GAREM1: variants seen among roughly 807,000 people sequenced by gnomAD.
GAREM1 encodes the protein GRB2 associated regulator of MAPK1 subtype 1.
A neutral mutation model predicts 71.3 loss-of-function variants in GAREM1; 26 were observed. The ratio of observed to expected loss-of-function variants is 0.36; its 90% confidence interval spans 0.27 to 0.51. The LOEUF is 0.51. Among genes scored for constraint, GAREM1 ranks in the 20% least tolerant of loss-of-function variants. GAREM1 has a pLI of 0.95. For synonymous variants in GAREM1, 440 were observed against 433.2 expected (o/e 1.02, Z -0.20); for missense variants, 1,026 against 1,103.1 (o/e 0.93, Z 0.99).
chr18:32,421,092 T>C (rs190478404), intron 1 of GAREM1, among the ~76,000 whole-genome samples: 3 of 152,320 alleles, frequency 2.0e-5, no homozygotes, highest in East Asian at 1.9e-4. Context: ...CTAATCCTGA[T>C]AGCTGTTGTA....
chr18:32,417,793 A>T (rs1361053738), intron 1 of GAREM1, among the ~76,000 whole-genome samples: 3 of 152,154 alleles, frequency 2.0e-5, no homozygotes, highest in Non-Finnish European at 4.4e-5. Context: ...AAAAAGAATA[A>T]GACCTAGTAT....
chr18:32,366,472 G>T (rs1168630311), intron 2 of GAREM1, among the ~76,000 whole-genome samples: 1 of 152,156 alleles, frequency 6.6e-6, no homozygotes. Flanking sequence ...GCAAGAAAGA[G>T]ACTTTAAAGT....
chr18:32,290,652 A>G (rs1465788034), intron 3 of GAREM1, among the ~76,000 whole-genome samples: 1 of 151,826 alleles, frequency 6.6e-6, no homozygotes, highest in Admixed American at 6.6e-5. Flanking sequence ...GAAAAAAAAA[A>G]AAAAAAAAGA....
At chr18:32,376,761 C>T (rs2144634400) in intron 2 of GAREM1, among the ~76,000 whole-genome samples, 1 of 152,268 alleles carries the variant, frequency 6.6e-6, no homozygotes, top group South Asian at 2.1e-4. Flanking sequence ...TCGCTTGAAC[C>T]CGGGAGGCGG....
chr18:32,341,582 T>G (rs2047648125), intron 2 of GAREM1, among the ~76,000 whole-genome samples: 1 of 152,184 alleles, frequency 6.6e-6, no homozygotes. Flanking sequence ...TGAACTAGTT[T>G]ACAGTCCCAC....
At chr18:32,392,322 T>C (rs1233355203) in intron 2 of GAREM1, among the ~76,000 whole-genome samples, 1 of 152,088 alleles carries the variant, frequency 6.6e-6, no homozygotes, top group African/African-American at 2.4e-5. Context: ...AAAAATCAGT[T>C]ATATGGCACT....
intron 2 of GAREM1, among the ~76,000 whole-genome samples, chr18:32,312,633 T>C (rs1217513972): frequency 6.6e-6 from 1 of 152,168 alleles, no homozygotes; most frequent in South Asian, 2.1e-4. Flanking sequence ...CAGAGGCTAC[T>C]GAGAGGAAGC....
rs141304898 is a variant in GAREM1, at chr18:32,314,325, C to T, written c.263-4002G>A. ...TAATGGATTTAACTGTTTTTCCATT[C>T]TTACATGATTAGTCTAAGTTAGACA... is the stretch of plus-strand genomic sequence containing the variant. On this transcript the variant is annotated intron_variant, in intron 2 of 5. Transcript: ENST00000269209. Among the ~76,000 whole-genome samples the T allele has an allele frequency of 2.4e-3, 365 of 152,238 alleles. 1 individual carries two copies. The highest frequency in any genetic ancestry group is 8.5e-3 in the African/African-American group (352 of 41,558).
chr18:32,444,171 A>G (rs575325107), intron 1 of GAREM1, among the ~76,000 whole-genome samples: 28 of 152,230 alleles, frequency 1.8e-4, no homozygotes, highest in Non-Finnish European at 3.4e-4. Flanking sequence ...AGTGATAAAA[A>G]TGTTCTGGAA....
At chr18:32,315,193 G>A (rs919975048) in intron 2 of GAREM1, among the ~76,000 whole-genome samples, 7 of 151,710 alleles carry the variant, frequency 4.6e-5, no homozygotes. Flanking sequence ...CACAGGCCAA[G>A]GATGCATCAC....
intron 2 of GAREM1, among the ~76,000 whole-genome samples, chr18:32,361,623 C>G (rs995586571): frequency 6.6e-6 from 1 of 152,168 alleles, no homozygotes; most frequent in African/African-American, 2.4e-5. Flanking sequence ...GCAAAACTAA[C>G]AGGAAATGAA....
intron 1 of GAREM1, among the ~76,000 whole-genome samples, chr18:32,454,025 G>A (rs994396915): frequency 2.6e-5 from 4 of 152,004 alleles, no homozygotes; most frequent in Non-Finnish European, 5.9e-5. Flanking sequence ...GTTGGAAAAC[G>A]TAATATGAGA....
At chr18:32,415,548 G>C (rs530376811) in intron 1 of GAREM1, among the ~76,000 whole-genome samples, 1 of 152,216 alleles carries the variant, frequency 6.6e-6, no homozygotes, top group East Asian at 1.9e-4. Context: ...ATTTATCCCA[G>C]GGATGCAAGC....
At chr18:32,406,629 C>G (rs1357164471) in intron 1 of GAREM1, among the ~76,000 whole-genome samples, 1 of 152,106 alleles carries the variant, frequency 6.6e-6, no homozygotes, top group Non-Finnish European at 1.5e-5. Context: ...GTGAGAAGAA[C>G]TCTGAAAGAA....
chr18:32,378,020 G>C (rs1194219719), intron 2 of GAREM1, among the ~76,000 whole-genome samples: 1 of 143,722 alleles, frequency 7.0e-6, no homozygotes, highest in Non-Finnish European at 1.5e-5. Flanking sequence ...AACTGTGTGT[G>C]TGTGTGTGTG....
At chr18:32,341,487 T>C (rs974542998) in intron 2 of GAREM1, among the ~76,000 whole-genome samples, 1 of 152,212 alleles carries the variant, frequency 6.6e-6, no homozygotes, top group Non-Finnish European at 1.5e-5. Flanking sequence ...CCTCTGGGTA[T>C]ATACCCAGTA....
chr18:32,284,282 T>C (rs1382368578), intron 4 of GAREM1, among the ~76,000 whole-genome samples: 5 of 152,174 alleles, frequency 3.3e-5, no homozygotes, highest in Non-Finnish European at 7.3e-5. Flanking sequence ...AATCTTTAGG[T>C]TTATAGCAAT....
chr18:32,385,371 A>G (rs2048136097), intron 2 of GAREM1, among the ~76,000 whole-genome samples: 2 of 151,668 alleles, frequency 1.3e-5, no homozygotes, highest in Admixed American at 1.3e-4. Context: ...TGCCCTGTTG[A>G]ACATCACCCA....
At chr18:32,312,180 G>T (rs542943012) in intron 2 of GAREM1, among the ~76,000 whole-genome samples, 160 of 152,312 alleles carry the variant, frequency 1.1e-3, no homozygotes, top group South Asian at 3.7e-3. Context: ...GAGAAGTCTG[G>T]CTGGAAAGAA....
Sources: gnomAD v4.1 joint callset for allele counts (sites outside exome capture counted in the v4.1 genomes callset) on GRCh38, gnomAD v4.1.1 for gene constraint, MANE v1.5 for transcripts, NCBI Gene and HGNC (gene_info 2026-07-23, HGNC 2026-07-21) for gene names.